INPP5F: variants seen among roughly 807,000 people sequenced by gnomAD.
The protein encoded by INPP5F is inositol polyphosphate-5-phosphatase F.
A neutral mutation model predicts 137.2 loss-of-function variants in INPP5F; 97 were observed. The ratio of observed to expected loss-of-function variants is 0.71; its 90% CI spans 0.60 to 0.84. The LOEUF is 0.84. Among genes scored for constraint, INPP5F ranks in the 40% least tolerant of loss-of-function variants. INPP5F has a pLI of 0.00. For synonymous variants in INPP5F, 504 were observed against 476.9 expected, an observed-to-expected ratio of 1.06 and a Z score of -0.74; for missense variants, 1,271 against 1,371.9, an observed-to-expected ratio of 0.93 and a Z score of 1.16.
intron 19 of INPP5F, among the ~76,000 whole-genome samples, chr10:119,826,385 GCTGCTAATTTCA>G (rs2134308713): frequency 6.6e-6 from 1 of 152,204 alleles, no homozygotes; most frequent in East Asian, 1.9e-4. Flanking sequence ...TAAATGAAAT[GCTGCTAATTTCA>G]CTGCTGCTTT....
chr10:119,820,816 T>C lies in INPP5F; in HGVS notation c.1887-30T>C, dbSNP rs376608708. Reference sequence around the variant, plus strand: ...CAAAAAATGCAGATGGAAATGAAAATACTTAATCTCCTGTGTCATATTTGT... The same window carrying C: ...CAAAAAATGCAGATGGAAATGAAAACACTTAATCTCCTGTGTCATATTTGT... On this transcript the variant is annotated intron_variant, in intron 15 of 19. Transcript: ENST00000650623. 2.6e-6 allele frequency: 4 copies of C among 1,541,582 alleles called. No individual in the cohort carries two copies. The African/African-American group carries it at 4.1e-5, about 16-fold the overall frequency.
rs144252855 is a variant in INPP5F at position 119,827,232 on chromosome 10, G to C, written c.2851G>C (p.Gly951Arg). 46 of 1,614,082 alleles carry C rather than the reference G, an allele frequency of 2.8e-5. No homozygotes were observed. In the African/African-American group the frequency reaches 4.4e-4, roughly 15 times the overall value. Residue 951 changes from glycine to arginine, a missense_variant, in exon 20 of 20, where the codon GGC becomes CGC. By Grantham distance (125) the Gly-to-Arg change is moderately radical. Transcript: ENST00000650623. ...PSAGDVHILT[G>R]FAKPMDIYCH... ...TGCTGGCGACGTACACATATTGACT[G>C]GCTTTGCCAAGCCTATGGATATTTA... is the stretch of plus-strand genomic sequence containing the variant.
chr10:119,808,137 T>C (rs1850872704), intron 13 of INPP5F, 77 bp downstream of exon 13: 1 of 1,508,648 alleles, frequency 6.6e-7, no homozygotes, highest in South Asian at 1.3e-5. Flanking sequence ...CACAGAAATG[T>C]GTGTGGGTTC....
intron 9 of INPP5F, among the ~76,000 whole-genome samples, chr10:119,802,135 T>C (rs1850615468): frequency 1.3e-5 from 2 of 152,148 alleles, no homozygotes. Flanking sequence ...GGAAGTCTCC[T>C]GGGAGGCTTC....
intron 1 of INPP5F, among the ~76,000 whole-genome samples, chr10:119,731,421 T>A (rs911874061): frequency 1.3e-5 from 2 of 152,196 alleles, no homozygotes; most frequent in Admixed American, 1.3e-4. Context: ...CCCAGCACTT[T>A]GGAAGGCCGA....
At chr10:119,781,404 G>A (rs907906979) in intron 2 of INPP5F, among the ~76,000 whole-genome samples, 2 of 152,220 alleles carry the variant, frequency 1.3e-5, no homozygotes, top group African/African-American at 4.8e-5. Flanking sequence ...TGATGGGTGA[G>A]CATGGTGTCA....
chr10:119,788,866 C>T (rs1036798581), intron 3 of INPP5F, among the ~76,000 whole-genome samples: 1 of 152,220 alleles, frequency 6.6e-6, no homozygotes, highest in African/African-American at 2.4e-5. Flanking sequence ...TGCACATTTA[C>T]TTGAAATAGC....
chr10:119,731,910 A>G (rs1345559785), intron 1 of INPP5F, among the ~76,000 whole-genome samples: 1 of 151,936 alleles, frequency 6.6e-6, no homozygotes, highest in Non-Finnish European at 1.5e-5. Context: ...ATAGATCTGT[A>G]TGTTTATTTT....
intron 16 of INPP5F, among the ~76,000 whole-genome samples, chr10:119,821,760 G>A (rs1463640010): frequency 3.3e-5 from 5 of 151,192 alleles, no homozygotes; most frequent in Non-Finnish European, 5.9e-5. Context: ...CTGTGTGTGT[G>A]TGCACACGCG....
intron 2 of INPP5F, among the ~76,000 whole-genome samples, chr10:119,756,773 T>C (rs943635564): frequency 6.6e-6 from 1 of 152,022 alleles, no homozygotes; most frequent in African/African-American, 2.4e-5. Flanking sequence ...CACACATTTC[T>C]TTTAAAAAAT....
chr10:119,807,832 C>A, intron 12 of INPP5F, 100 bp from the exon 13 acceptor site: 2 of 1,173,986 alleles, frequency 1.7e-6, no homozygotes, highest in South Asian at 1.7e-5. Context: ...TTTAAGGGTC[C>A]TAAATTGTAT....
Position 119,794,744 on chromosome 10 carries a change from G to T in INPP5F, c.670-1971G>T, listed in dbSNP as rs1360635466. On this transcript the variant is annotated intron_variant, in intron 6 of 19. Transcript: ENST00000650623. ...GACGGGGCGGCTGGCCAGGTGGGGG[G>T]GCTGACCCCCCCACCTCCCTCCCGG... is the stretch of plus-strand genomic sequence containing the variant. Among the ~76,000 whole-genome samples the T allele has an allele frequency of 2.7e-5, 4 of 146,148 alleles. No homozygotes were observed. The South Asian group carries it at 6.6e-4, about 24-fold the overall frequency.
intron 9 of INPP5F, among the ~76,000 whole-genome samples, chr10:119,800,478 TGAACCCAG>T (rs1447376627): frequency 1.3e-5 from 2 of 150,492 alleles, no homozygotes; most frequent in African/African-American, 4.9e-5. Context: ...GAGAATTGCT[TGAACCCAG>T]GAGGCAGAGG....
intron 13 of INPP5F, among the ~76,000 whole-genome samples, chr10:119,808,817 G>C (rs1850908570): frequency 6.6e-6 from 1 of 152,156 alleles, no homozygotes; most frequent in Non-Finnish European, 1.5e-5. Flanking sequence ...TTCATCTCAA[G>C]GTACTTCTTA....
intron 2 of INPP5F, among the ~76,000 whole-genome samples, chr10:119,775,463 C>G (rs1414283874): frequency 1.3e-5 from 2 of 151,924 alleles, no homozygotes; most frequent in Non-Finnish European, 2.9e-5. Context: ...CAGGGTTTCC[C>G]CATATTGCCC....
intron 2 of INPP5F, among the ~76,000 whole-genome samples, chr10:119,770,130 A>C (rs1722185994): frequency 6.6e-6 from 1 of 151,980 alleles, no homozygotes; most frequent in Admixed American, 6.6e-5. Context: ...CTTCCTAATC[A>C]GTTTTTTTTA....
rs375668870 is a variant in INPP5F at position 119,823,268 on chromosome 10, T to C, written c.2161+69T>C. On this transcript the variant is annotated intron_variant, in intron 18 of 19. Coordinates refer to ENST00000650623, the MANE Select transcript of INPP5F (RefSeq NM_014937.4). ...TTTATTCTTAAAAGCCCAAATGGAA[T>C]TGGGGACATTTCATATCATAACCAA... 1.3e-5 allele frequency: 19 copies of C among 1,469,880 alleles called. No homozygotes were observed. In the African/African-American group the frequency reaches 1.8e-4, roughly 14 times the overall value. 91.1% of individuals were successfully genotyped at this position (1,469,880 alleles called of 1,614,324 possible).
intron 1 of INPP5F, among the ~76,000 whole-genome samples, chr10:119,732,500 CT>C (rs59388357): frequency 0.072 from 8,284 of 115,382 alleles, 243 homozygotes; most frequent in South Asian, 0.22. Flanking sequence ...TTTCTTTTTT[CT>C]TTTTTTTTTT....
chr10:119,814,280 G>A (rs1851168741), intron 15 of INPP5F, among the ~76,000 whole-genome samples: 1 of 152,090 alleles, frequency 6.6e-6, no homozygotes, highest in Non-Finnish European at 1.5e-5. Context: ...TCAGCTACTT[G>A]GGAGGCCTAG....
Sources: allele counts gnomAD v4.1 joint callset (sites outside exome capture counted in the v4.1 genomes callset), GRCh38; gene constraint gnomAD v4.1.1; transcripts MANE v1.5; gene names NCBI Gene and HGNC (gene_info 2026-07-23, HGNC 2026-07-21).